The following SENP1 variants were observed in gnomAD, a reference collection of about 807,000 sequenced individuals.
The protein encoded by SENP1 is sentrin-specific protease 1.
In SENP1, 21 loss-of-function variants were observed where a neutral mutation model predicts 93.0. The ratio of observed to expected loss-of-function variants is 0.23; its 90% confidence interval spans 0.16 to 0.33. The LOEUF (loss-of-function observed/expected upper bound fraction) is 0.33. SENP1 is among the 10% of genes least tolerant of loss of function. SENP1 has a pLI of 1.00. For missense variants in SENP1, 591 were observed against 758.7 expected, an observed-to-expected ratio of 0.78 and a Z score of 2.60; for synonymous variants, 256 against 259.6, an observed-to-expected ratio of 0.99 and a Z score of 0.13.
chr12:48,066,845 A>G (rs928827556), intron 10 of SENP1, 82 bp downstream of exon 10: 1 of 1,122,480 alleles, frequency 8.9e-7, no homozygotes, highest in African/African-American at 1.6e-5. Context: ...AAAAATAAGC[A>G]GGATGATTAG....
At chr12:48,059,235 A>G (rs974155258) in intron 13 of SENP1, among the ~76,000 whole-genome samples, 9 of 152,038 alleles carry the variant, frequency 5.9e-5, no homozygotes, top group Admixed American at 2.0e-4. Flanking sequence ...GACTCCAATT[A>G]TATGCTTAAC....
At chr12:48,096,235 T>C (rs1327137977) in intron 4 of SENP1, 108 bp downstream of exon 4, 3 of 609,286 alleles carry the variant, frequency 4.9e-6, no homozygotes, top group African/African-American at 1.9e-5. Flanking sequence ...GAAAATACCA[T>C]CTTGTTTTTG....
At chr12:48,053,728 C>G (rs937172249) in intron 13 of SENP1, among the ~76,000 whole-genome samples, 1 of 152,142 alleles carries the variant, frequency 6.6e-6, no homozygotes, top group Non-Finnish European at 1.5e-5. Context: ...GCCTGGTTAG[C>G]TGTAGTTTCA....
intron 13 of SENP1, among the ~76,000 whole-genome samples, chr12:48,056,131 T>C (rs1282599158): frequency 2.4e-5 from 1 of 41,230 alleles, no homozygotes; most frequent in Non-Finnish European, 4.3e-5. Flanking sequence ...ATATAGTATA[T>C]ATTATTTTAT....
intron 16 of SENP1, 58 bp from the exon 17 acceptor site, chr12:48,046,509 T>C: frequency 8.4e-7 from 1 of 1,187,136 alleles, no homozygotes; most frequent in Non-Finnish European, 1.3e-6. Flanking sequence ...CTTCTTAGAT[T>C]AAAAATAAGA....
chr12:48,050,782 G>A (rs1299693718), intron 13 of SENP1, among the ~76,000 whole-genome samples: 1 of 152,156 alleles, frequency 6.6e-6, no homozygotes, highest in Non-Finnish European at 1.5e-5. Context: ...CTCTAATGAG[G>A]AAAAATTGGC....
rs1392431642 is a variant in SENP1, at chr12:48,056,974, C to T, written c.1407+6736G>A. Among the ~76,000 whole-genome samples the T allele has an allele frequency of 6.8e-3, 280 of 41,100 alleles. 28 individuals carry two copies. The East Asian group carries it at 0.14, about 21-fold the overall frequency. The allele number at this position is 41,100 out of a possible 152,430, so 27.0% of individuals were successfully genotyped here. ...ATATAATATATTATTTAATATATTA[C>T]ATATTACATATATAAATATATTATT... On this transcript the variant is annotated intron_variant, in intron 13 of 17. Transcript: ENST00000549518.
At chr12:48,070,519 G>T (rs1943616008) in intron 9 of SENP1, among the ~76,000 whole-genome samples, 1 of 152,140 alleles carries the variant, frequency 6.6e-6, no homozygotes, top group African/African-American at 2.4e-5. Context: ...TAGAATGCAA[G>T]CTCCTTGAGA....
chr12:48,095,535 C>CA (rs3054235), intron 4 of SENP1, among the ~76,000 whole-genome samples: 992 of 85,554 alleles, frequency 0.012, 13 homozygotes, highest in African/African-American at 0.026. Flanking sequence ...GACTCTGTGT[C>CA]AAAAAAAAAA....
intron 4 of SENP1, among the ~76,000 whole-genome samples, chr12:48,094,683 A>AAAT (rs944631145): frequency 3.9e-5 from 6 of 152,130 alleles, no homozygotes; most frequent in Non-Finnish European, 5.9e-5. Context: ...CCATCTCAAA[A>AAAT]AATAATAATA....
intron 1 of SENP1, 92 bp downstream of exon 1, chr12:48,105,936 C>A: frequency 1.5e-6 from 1 of 686,894 alleles, no homozygotes; most frequent in Non-Finnish European, 2.7e-6. Flanking sequence ...TCCGCCCAGT[C>A]CAGCCCGGGC....
chr12:48,071,741 T>C lies in SENP1; in HGVS notation c.941-20A>G. On this transcript the variant is annotated intron_variant, in intron 8 of 17. Transcript: ENST00000549518. ...CTGATCCTAAAGAAACACAAGAGCA[T>C]TTCATTAGTAATAAAACTCCACAAA... The C allele has an allele frequency of 6.5e-7, 1 of 1,549,454 alleles. No homozygotes were observed. Among genetic ancestry groups the C allele is most frequent in the Non-Finnish European group, 8.9e-7 (1 of 1,124,804 alleles).
At position 48,078,340 on chromosome 12, in the gene SENP1, C is replaced by CATACATATATATATATACACACAT. The variant is rs58090935; in HGVS notation, c.553-3548_553-3547insATGTGTGTATATATATATATGTAT. On this transcript the variant is annotated intron_variant, in intron 6 of 17. Transcript: ENST00000549518. ...TTTTATATATATATATATATACACA[C>CATACATATATATATATACACACAT]ACATATATATATACACACACACACA... Among the ~76,000 whole-genome samples, 18 of 84,154 alleles carry CATACATATATATATATACACACAT rather than the reference C, an allele frequency of 2.1e-4. 3 individuals are homozygous for CATACATATATATATATACACACAT. The East Asian group carries it at 2.3e-3, about 11-fold the overall frequency. 55.2% of individuals were successfully genotyped at this position (84,154 alleles called of 152,430 possible).
At chr12:48,058,840 G>A (rs1942766762) in intron 13 of SENP1, among the ~76,000 whole-genome samples, 3 of 152,118 alleles carry the variant, frequency 2.0e-5, no homozygotes, top group African/African-American at 4.8e-5. Context: ...TGTTGGTGAT[G>A]CATTTGTTTG....
chr12:48,065,293 G>A (rs1298947848), intron 11 of SENP1, 73 bp from the exon 12 acceptor site: 2 of 1,200,916 alleles, frequency 1.7e-6, no homozygotes, highest in African/African-American at 3.1e-5. Context: ...ATAGGGTTAT[G>A]TCCCAATAAA....
chr12:48,080,175 G>A (rs1944406097), intron 6 of SENP1: 1 of 152,302 alleles, frequency 6.6e-6, no homozygotes, highest in South Asian at 2.1e-4. Flanking sequence ...TGTAGTAATA[G>A]AAATGTTCTA....
chr12:48,079,502 T>C (rs1203231063), intron 6 of SENP1, among the ~76,000 whole-genome samples: 1 of 151,880 alleles, frequency 6.6e-6, no homozygotes, highest in Non-Finnish European at 1.5e-5. Context: ...CCGTCTCAAA[T>C]AAAAAAAGAA....
At chr12:48,105,987 C>T (rs1946544454) in intron 1 of SENP1, 41 bp downstream of exon 1, 1 of 700,268 alleles carries the variant, frequency 1.4e-6, no homozygotes, top group South Asian at 1.5e-5. Flanking sequence ...ACCAGGCTCC[C>T]TCCATCCTCA....
At chr12:48,080,317 C>T (rs981889234) in intron 6 of SENP1, 10 of 152,190 alleles carry the variant, frequency 6.6e-5, no homozygotes, top group African/African-American at 2.4e-4. Context: ...TGTGGCTAGC[C>T]GTTACCCTAC....
Sources: gnomAD v4.1 joint callset for allele counts (sites outside exome capture counted in the v4.1 genomes callset) on GRCh38, gnomAD v4.1.1 for gene constraint, MANE v1.5 for transcripts, NCBI Gene and HGNC (gene_info 2026-07-23, HGNC 2026-07-21) for gene names.